SLF2: variants seen among roughly 807,000 people sequenced by gnomAD.
The protein encoded by SLF2 is SMC5/6 complex localization factor 2, also known as SMC5-SMC6 complex localization factor protein 2.
Under a neutral mutation model 124.3 loss-of-function variants are expected in SLF2, and 68 were observed. That is an observed-to-expected ratio of 0.55 (90% CI 0.45 to 0.67). The LOEUF is 0.67. Ranked by LOEUF, SLF2 falls within the 30% of genes least tolerant of loss-of-function variation. SLF2 has a pLI of 0.00. For synonymous variants in SLF2, 480 were observed against 478.8 expected, an observed-to-expected ratio of 1.00 and a Z score of -0.03; for missense variants, 1,246 against 1,373.7, an observed-to-expected ratio of 0.91 and a Z score of 1.47.
At chr10:100,936,383 G>A (rs1564777550) in intron 9 of SLF2, among the ~76,000 whole-genome samples, 3 of 151,774 alleles carry the variant, frequency 2.0e-5, no homozygotes, top group African/African-American at 7.3e-5. Flanking sequence ...GCCCAGGCTG[G>A]AGTGCAGTGG....
At chr10:100,919,481 C>T (rs185524687) in intron 4 of SLF2, among the ~76,000 whole-genome samples, 91 of 151,492 alleles carry the variant, frequency 6.0e-4, no homozygotes, top group African/African-American at 2.1e-3. Context: ...ATCTACATGA[C>T]ATTAGTTTGT....
chr10:100,913,451 C>T, intron 1 of SLF2: 1 of 1,320,914 alleles, frequency 7.6e-7, no homozygotes, highest in South Asian at 2.1e-5. Flanking sequence ...TGGGCAGCTG[C>T]TCTTGGTCTA....
chr10:100,926,246 C>T, intron 6 of SLF2: 1 of 1,527,486 alleles, frequency 6.5e-7, no homozygotes, highest in Non-Finnish European at 8.8e-7. Context: ...GAGTTCAAGG[C>T]TGCGGTGAGT....
chr10:100,944,474 A>G (rs868821935), intron 12 of SLF2, among the ~76,000 whole-genome samples: 12 of 148,892 alleles, frequency 8.1e-5, no homozygotes, highest in Non-Finnish European at 1.2e-4. Flanking sequence ...TAGCCTGGGC[A>G]ACAGAGCAAG....
chr10:100,928,037 C>CA (rs893712906), intron 6 of SLF2, among the ~76,000 whole-genome samples: 7 of 40,742 alleles, frequency 1.7e-4, no homozygotes, highest in Non-Finnish European at 4.8e-4. Flanking sequence ...GAACACCCCC[C>CA]CCCCCCCCCA....
intron 7 of SLF2, 47 bp from the exon 8 acceptor site, chr10:100,929,783 T>C (rs750761696): frequency 2.1e-6 from 3 of 1,413,470 alleles, no homozygotes; most frequent in Non-Finnish European, 2.9e-6. Flanking sequence ...TACAAAACTA[T>C]ATGTAGTGTA....
chr10:100,913,173 G>GCCCC lies in SLF2; in HGVS notation c.65_68dup (p.Arg24ProfsTer9). On this transcript the variant is annotated frameshift_variant, in exon 1 of 20. Coordinates refer to ENST00000238961, the MANE Select transcript of SLF2 (RefSeq NM_018121.4). LOFTEE classifies it high-confidence loss of function. ...CCTCATCCCCAGCCCCGGGGTCGTC[G>GCCCC]CCCCCGCGCTGCCATCTGAGACCCG... 6.2e-7 allele frequency: 1 copy of GCCCC among 1,613,328 alleles called. No homozygotes were observed. Among genetic ancestry groups the GCCCC allele is most frequent in the Non-Finnish European group, 8.5e-7 (1 of 1,179,736 alleles).
chr10:100,915,705 A>G (rs1343984187), intron 1 of SLF2, among the ~76,000 whole-genome samples: 2 of 152,188 alleles, frequency 1.3e-5, no homozygotes, highest in African/African-American at 4.8e-5. Flanking sequence ...TTCAGTCTTA[A>G]GAAGCACTCT....
chr10:100,918,303 G>A (rs1201000213), intron 3 of SLF2, 81 bp from the exon 4 acceptor site: 2 of 831,482 alleles, frequency 2.4e-6, no homozygotes, highest in Non-Finnish European at 3.8e-6. Flanking sequence ...CTAGAAATCT[G>A]TGTTTAAATG....
chr10:100,923,131 C>T (rs1378016927), intron 4 of SLF2, among the ~76,000 whole-genome samples: 1 of 152,058 alleles, frequency 6.6e-6, no homozygotes, highest in African/African-American at 2.4e-5. Flanking sequence ...TATTAAAGTA[C>T]TTCTGGATGG....
chr10:100,928,068 CGA>C (rs1554878164), intron 6 of SLF2, among the ~76,000 whole-genome samples: 1 of 59,578 alleles, frequency 1.7e-5, no homozygotes, highest in South Asian at 5.3e-4. Flanking sequence ...CACACACACA[CGA>C]GAGAGAGACA....
In SLF2 at chr10:100,916,040, A is replaced by G; in HGVS notation, c.182A>G (p.Gln61Arg). The G allele has an allele frequency of 1.2e-6, 2 of 1,612,286 alleles. No individual in the cohort carries two copies. Among genetic ancestry groups the G allele is most frequent in the Non-Finnish European group, 1.7e-6 (2 of 1,178,820 alleles). Residue 61 changes from glutamine to arginine, a missense_variant and splice_region_variant, in exon 2 of 20, where the codon CAA becomes CGA. Around this residue, in one of 3 missense-constraint regions of SLF2, gnomAD observed 698 missense variants for 708.9 expected, o/e 0.98. Coordinates refer to ENST00000238961, the MANE Select transcript of SLF2 (RefSeq NM_018121.4). ...GATTTCTTCAAACCAGCTTCAAAAC[A>G]AGGTATGTACACTGTTGATGCATTT... ...IIDFFKPASKQDRHMLDSPQK... is the reference protein window; with the variant it reads ...IIDFFKPASKRDRHMLDSPQK...
rs375605157 is a variant in SLF2 at position 100,926,541 on chromosome 10, G to A, written c.2042+522G>A. 4.2e-5 allele frequency: 11 copies of A among 264,648 alleles called. No homozygotes were observed. In the South Asian group the frequency reaches 5.2e-4, roughly 13 times the overall value. The allele number at this position is 264,648 out of a possible 1,614,324, so 16.4% of individuals were successfully genotyped here. ...GATCACCTGAGCCCAAGGAGGTCAA[G>A]GCTGTAGTGAGCTGTGATTGAGCCA... On this transcript the variant is annotated intron_variant, in intron 6 of 19. Transcript: ENST00000238961.
At chr10:100,939,348 A>C (rs1589956945) in intron 11 of SLF2, among the ~76,000 whole-genome samples, 1 of 152,180 alleles carries the variant, frequency 6.6e-6, no homozygotes, top group East Asian at 1.9e-4. Flanking sequence ...ACAGTACTGC[A>C]GCCTGGGTGA....
intron 19 of SLF2, 181 bp downstream of exon 19, chr10:100,959,677 C>T: frequency 1.8e-6 from 2 of 1,126,548 alleles, no homozygotes; most frequent in Non-Finnish European, 2.3e-6. Context: ...GCTTTATATT[C>T]ATTAATTTAT....
In SLF2 at chr10:100,938,628, T is replaced by G; in HGVS notation, c.2546T>G (p.Ile849Ser). 1 of 1,612,302 alleles carries G rather than the reference T, an allele frequency of 6.2e-7. No individual in the cohort carries two copies. Among genetic ancestry groups the G allele is most frequent in the Non-Finnish European group, 8.5e-7 (1 of 1,179,408 alleles). Residue 849 changes from isoleucine (I) to serine (S), a missense_variant, in exon 11 of 20, where the codon ATC (isoleucine) becomes AGC (serine). Coordinates refer to ENST00000238961, the MANE Select transcript of SLF2 (RefSeq NM_018121.4). The stretch of plus-strand genomic sequence containing the variant: ...AGTGACTCACCAGTTTGGCCATGGA[T>G]CCCATCATTGTCTGATGTAGCAGCT... ...TFSDSPVWPWIPSLSDVAAVF... is the reference protein window; with the variant it reads ...TFSDSPVWPWSPSLSDVAAVF...
chr10:100,957,678 G>C (rs1283513531), intron 18 of SLF2, among the ~76,000 whole-genome samples: 1 of 151,836 alleles, frequency 6.6e-6, no homozygotes, highest in Non-Finnish European at 1.5e-5. Flanking sequence ...CAAATCTTTG[G>C]GTCGTACAAC....
chr10:100,923,413 AT>A (rs1490349039), intron 4 of SLF2, among the ~76,000 whole-genome samples: 2 of 151,590 alleles, frequency 1.3e-5, no homozygotes, highest in African/African-American at 2.4e-5. Context: ...TTCCTTGTGT[AT>A]TTTCACCTTG....
At chr10:100,919,001 CTTTT>C (rs528512219) in intron 4 of SLF2, among the ~76,000 whole-genome samples, 2 of 105,710 alleles carry the variant, frequency 1.9e-5, no homozygotes, top group African/African-American at 4.3e-5. Context: ...GAAACATAAT[CTTTT>C]TTTTTTTTTT....
Sources: allele counts gnomAD v4.1 joint callset (sites outside exome capture counted in the v4.1 genomes callset), GRCh38; gene constraint gnomAD v4.1.1; regional missense constraint gnomAD v4.1.1; transcripts MANE v1.5; gene names NCBI Gene and HGNC (gene_info 2026-07-23, HGNC 2026-07-21).